Variants in HRNR observed in about 807,000 individuals in gnomAD.
HRNR encodes hornerin.
HRNR carries 7 observed loss-of-function variants against 4.8 expected under a neutral mutation model. The observed-to-expected ratio is 1.47, with a 90% CI of 0.83 to 2.75. The LOEUF (loss-of-function observed/expected upper bound fraction) is 2.75. HRNR is among the 30% of genes most tolerant of loss of function. HRNR has a pLI of 0.00. For synonymous variants in HRNR, 1,023 were observed against 1,242.7 expected (o/e 0.82, Z 3.72); for missense variants, 2,879 against 3,010.4 (o/e 0.96, Z 1.02).
chr1:152,223,282 A>G lies in HRNR; in HGVS notation c.-25-4T>C. ...TTTTTTTGCAAGTTTGAGTAACCTA[A>G]AGGGAGGAAAAAGAGAGACCAACCC... is the stretch of plus-strand genomic sequence containing the variant. On this transcript the variant is annotated splice_region_variant and splice_polypyrimidine_tract_variant and intron_variant, in intron 1 of 2. Transcript: ENST00000368801. 1.3e-6 allele frequency: 2 copies of G among 1,592,224 alleles called. No homozygotes were observed. Among genetic ancestry groups the G allele is most frequent in the Non-Finnish European group, 1.7e-6 (2 of 1,167,574 alleles).
In HRNR at chr1:152,219,646, A is replaced by T. The variant is rs372043579; in HGVS notation, c.1983T>A (p.Ser661Arg). The T allele has an allele frequency of 1.9e-5, 31 of 1,611,128 alleles. No homozygotes were observed. In the African/African-American group the frequency reaches 4.2e-4, roughly 22 times the overall value. ...CAAAATCGGACCCATGTCGGCCGCG[A>T]CTAGGAGACTGGCCAGATCCAGAGC... ...QQGSGSGQSP[S>R]RGRHGSDFGH... The change falls in exon 3 of 3, where the codon AGT (serine) becomes AGA (arginine). Residue 661 changes from serine to arginine, a missense_variant. Physicochemically the swap from Ser to Arg is moderately radical, Grantham distance 110. This residue lies in a region of HRNR where 2,646 missense variants were observed against 1,377.7 expected (regional missense o/e 1.92). Transcript: ENST00000368801.
chr1:152,213,071 A>C lies in HRNR; in HGVS notation c.*5T>G, dbSNP rs1170364600. On this transcript the variant is annotated 3_prime_UTR_variant, in exon 3 of 3. Coordinates refer to ENST00000368801, the MANE Select transcript of HRNR (RefSeq NM_001009931.3). ...ACTTGAGTAAATTGCATTTATGTTT[A>C]TTATTCACTGATAAAAGTAGCACCT... 2 of 1,607,980 alleles carry C rather than the reference A, an allele frequency of 1.2e-6. No homozygotes were observed.
In HRNR at chr1:152,220,386, G is replaced by T. The variant is rs1255006618; in HGVS notation, c.1243C>A (p.Gln415Lys). The T allele has an allele frequency of 1.2e-6, 2 of 1,613,808 alleles. No homozygotes were observed. The highest frequency in any genetic ancestry group is 1.1e-5 in the South Asian group (1 of 91,066). Residue 415 changes from glutamine (Q) to lysine (K), a missense_variant, in exon 3 of 3, where the codon CAA (glutamine) becomes AAA (lysine). Gln to Lys is a moderately conservative substitution (Grantham distance 53). Coordinates refer to ENST00000368801, the MANE Select transcript of HRNR (RefSeq NM_001009931.3). ...GACTGGCCAGATCCAGAGCTGTGTTGGCCGCGGCCTGAAGAGTGACGGGAG... is the reference window on the plus strand; with the variant it reads ...GACTGGCCAGATCCAGAGCTGTGTTTGCCGCGGCCTGAAGAGTGACGGGAG... ...SASRHSSGRGQHSSGSGQSPG... is the reference protein window; with the variant it reads ...SASRHSSGRGKHSSGSGQSPG...
At position 152,218,415 on chromosome 1, in the gene HRNR, G is replaced by C. The variant is rs1292741300; in HGVS notation, c.3214C>G (p.His1072Asp). The C allele has an allele frequency of 6.2e-7, 1 of 1,613,494 alleles. No individual in the cohort carries two copies. Among genetic ancestry groups the C allele is most frequent in the South Asian group, 1.1e-5 (1 of 91,052 alleles). ...CCGTGTTGCCCATGGGTAGAGGAATGACCTGAGCTAGATCCATGTTGACCG... is the reference window on the plus strand; with the variant it reads ...CCGTGTTGCCCATGGGTAGAGGAATCACCTGAGCTAGATCCATGTTGACCG... ...GYGQHGSSSG[H>D]SSTHGQHGST... Residue 1072 changes from histidine (H) to aspartate (D), a missense_variant, in exon 3 of 3, where the codon CAT (histidine) becomes GAT (aspartate). By Grantham distance (81) the His-to-Asp change is moderately conservative. Coordinates refer to ENST00000368801, the MANE Select transcript of HRNR (RefSeq NM_001009931.3).
rs1395141680 is a variant in HRNR, at chr1:152,212,884, A to T, written c.*192T>A. On this transcript the variant is annotated 3_prime_UTR_variant, in exon 3 of 3. Transcript: ENST00000368801. ...TTCTAACAAAGTAGCACAAATGCCT[A>T]ACAGTCTTTGGAAGGAACCCCATAA... The T allele has an allele frequency of 6.9e-6, 5 of 723,286 alleles. No individual in the cohort carries two copies. Among genetic ancestry groups the T allele is most frequent in the Non-Finnish European group, 1.1e-5 (5 of 451,874 alleles). The allele number at this position is 723,286 out of a possible 1,614,324, so 44.8% of individuals were successfully genotyped here.
chr1:152,218,397 G>C lies in HRNR; in HGVS notation c.3232C>G (p.Gln1078Glu). 5 of 1,613,154 alleles carry C rather than the reference G, an allele frequency of 3.1e-6. No individual in the cohort carries two copies. The highest frequency in any genetic ancestry group is 4.2e-6 in the Non-Finnish European group (5 of 1,179,994). ...SSSGHSSTHG[Q>E]HGSTSGQSSS... is the part of the protein sequence containing the mutation. The stretch of plus-strand genomic sequence containing the variant: ...GACTGTCCTGATGTAGAACCGTGTT[G>C]CCCATGGGTAGAGGAATGACCTGAG... Residue 1078 changes from glutamine to glutamate, a missense_variant, in exon 3 of 3, where the codon CAA becomes GAA. Coordinates refer to ENST00000368801, the MANE Select transcript of HRNR (RefSeq NM_001009931.3).
Position 152,221,139 on chromosome 1 carries a change from C to G in HRNR, c.490G>C (p.Asp164His), listed in dbSNP as rs1190126516. The G allele has an allele frequency of 4.3e-6, 7 of 1,614,106 alleles. No homozygotes were observed. The highest frequency in any genetic ancestry group is 4.2e-6 in the Non-Finnish European group (5 of 1,180,052). Residue 164 changes from aspartate to histidine, a missense_variant, in exon 3 of 3, where the codon GAC (aspartate) becomes CAC (histidine). Around this residue, in one of 8 missense-constraint regions of HRNR, gnomAD observed 2,646 missense variants for 1,377.7 expected, o/e 1.92. Transcript: ENST00000368801. ...TAGGAGTTATGTTGGCCAGAAAAGT[C>G]TCTTTGAAAACTCAGTCTTCTGGAT... Reference protein sequence around the residue: ...SISRRLSFQRDFSGQHNSYSG... With the variant: ...SISRRLSFQRHFSGQHNSYSG...
rs574688253 is a variant in HRNR at position 152,223,388 on chromosome 1, T to A, written c.-25-110A>T. 81 of 665,632 alleles carry A rather than the reference T, an allele frequency of 1.2e-4. No homozygotes were observed. In the South Asian group the frequency reaches 1.3e-3, roughly 10 times the overall value. The allele number at this position is 665,632 out of a possible 1,614,324, so 41.2% of individuals were successfully genotyped here. On this transcript the variant is annotated intron_variant, in intron 1 of 2. Coordinates refer to ENST00000368801, the MANE Select transcript of HRNR (RefSeq NM_001009931.3). ...ATTGTTCAGAATTAGTCAGTCATGA[T>A]TAAATTCATTCTGTTGTAATCAAGA...
chr1:152,221,106 G>A lies in HRNR; in HGVS notation c.523C>T (p.Gln175Ter). 1 of 1,614,200 alleles carries A rather than the reference G, an allele frequency of 6.2e-7. No homozygotes were observed. The highest frequency in any genetic ancestry group is 8.5e-7 in the Non-Finnish European group (1 of 1,180,024). Residue 175 changes from glutamine (Q) to a stop codon, truncating the protein, a stop_gained, in exon 3 of 3, where the codon CAG becomes TAG. Coordinates refer to ENST00000368801, the MANE Select transcript of HRNR (RefSeq NM_001009931.3). LOFTEE classifies it low-confidence loss of function (END_TRUNC). ...FSGQHNSYSGQSSSYGEQNSD... is the reference protein window; with the variant it reads ...FSGQHNSYSG The stretch of plus-strand genomic sequence containing the variant: ...TTTTGCTCACCATAGCTGGAAGACT[G>A]ACCTGAGTAGGAGTTATGTTGGCCA...
At position 152,220,677 on chromosome 1, in the gene HRNR, G is replaced by T. The variant is rs1454581479; in HGVS notation, c.952C>A (p.His318Asn). 5 of 1,612,378 alleles carry T rather than the reference G, an allele frequency of 3.1e-6. No homozygotes were observed. In the South Asian group the frequency reaches 5.5e-5, roughly 18 times the overall value. Residue 318 changes from histidine to asparagine, a missense_variant, in exon 3 of 3, where the codon CAC becomes AAC. Physicochemically the swap from His to Asn is moderately conservative, Grantham distance 68. Transcript: ENST00000368801. ...CCGTGTTGGCCGTGGCTGGAGGAGT[G>T]CCCCGAACCGGACCCATGTCGGACG... ...SHVRHGSGSG[H>N]SSSHGQHGSG...
rs1294253434 is a variant in HRNR, at chr1:152,219,270, G to T, written c.2359C>A (p.His787Asn). ...CCGTGTTGGCCGTGGCTGGAGGAGT[G>T]CCCTGAACTGGACCCATGTCGGACA... The part of the protein sequence containing the change: ...SRVRHGSSSG[H>N]SSSHGQHGSG... Residue 787 changes from histidine to asparagine, a missense_variant, in exon 3 of 3, where the codon CAC becomes AAC. Physicochemically the swap from His to Asn is moderately conservative, Grantham distance 68. This residue lies in a region of HRNR where 2,646 missense variants were observed against 1,377.7 expected (regional missense o/e 1.92). Transcript: ENST00000368801. The T allele has an allele frequency of 2.5e-6, 4 of 1,613,154 alleles. No individual in the cohort carries two copies. Among genetic ancestry groups the T allele is most frequent in the Admixed American group, 1.7e-5 (1 of 59,982 alleles).
Position 152,220,258 on chromosome 1 carries a change from A to T in HRNR, c.1371T>A (p.Ser457=). ...GRSSSSGPYV[S]GSGYSSGFGH... is the part of the protein sequence containing the mutation. Reference sequence around the variant, plus strand: ...CAAAGCCAGAAGAGTAGCCTGAACCAGACACATATGGGCCACTGCTGGAAG... The same window carrying T: ...CAAAGCCAGAAGAGTAGCCTGAACCTGACACATATGGGCCACTGCTGGAAG... The change falls in exon 3 of 3, where the codon TCT becomes TCA. Residue 457 remains serine, a synonymous_variant. Coordinates refer to ENST00000368801, the MANE Select transcript of HRNR (RefSeq NM_001009931.3). 1.9e-6 allele frequency: 3 copies of T among 1,614,038 alleles called. No individual in the cohort carries two copies. Among genetic ancestry groups the T allele is most frequent in the Non-Finnish European group, 1.7e-6 (2 of 1,179,998 alleles).
chr1:152,219,205 C>G lies in HRNR; in HGVS notation c.2424G>C (p.Glu808Asp), dbSNP rs115924441. The change falls in exon 3 of 3, where the codon GAG (glutamate) becomes GAC (aspartate). Residue 808 changes from glutamate (E) to aspartate (D), a missense_variant. Physicochemically the swap from Glu to Asp is conservative, Grantham distance 45. Transcript: ENST00000368801. Reference sequence around the variant, plus strand: ...AACCAGAAGCCTGGCCTGAGCCAGACTCATAATGGCCACAGCTGGAAGAAC... The same window carrying G: ...AACCAGAAGCCTGGCCTGAGCCAGAGTCATAATGGCCACAGCTGGAAGAAC... ...TSCSSSCGHY[E>D]SGSGQASGFG... The G allele has an allele frequency of 5.2e-3, 8,361 of 1,613,912 alleles. 365 individuals carry two copies. In the African/African-American group the frequency reaches 0.099, roughly 19 times the overall value.
At position 152,219,310 on chromosome 1, in the gene HRNR, G is replaced by T. The variant is rs1409635492; in HGVS notation, c.2319C>A (p.Gly773=). The change falls in exon 3 of 3, where the codon GGC becomes GGA. Residue 773 remains glycine (G), a synonymous_variant. Transcript: ENST00000368801. ...SGHGRQGSGS[G]HSPSRVRHGS... is the part of the protein sequence containing the mutation. Reference sequence around the variant, plus strand: ...CATGTCGGACACGGCTAGGAGAGTGGCCAGATCCAGACCCTTGTCGGCCGT... The same window carrying T: ...CATGTCGGACACGGCTAGGAGAGTGTCCAGATCCAGACCCTTGTCGGCCGT... The T allele has an allele frequency of 1.4e-5, 22 of 1,613,438 alleles. No individual in the cohort carries two copies. Among genetic ancestry groups the T allele is most frequent in the South Asian group, 8.8e-5 (8 of 91,078 alleles).
chr1:152,219,478 T>C lies in HRNR; in HGVS notation c.2151A>G (p.Gly717=), dbSNP rs761153367. ...SGQSSGYSQH[G]SGSSHSSGYR... ...AGCCGGAGGAGTGACTTGAGCCAGA[T>C]CCATGCTGACTGTAACCAGAGGACT... The change falls in exon 3 of 3, where the codon GGA becomes GGG. Residue 717 remains glycine, a synonymous_variant. Transcript: ENST00000368801. 3 of 1,612,768 alleles carry C rather than the reference T, an allele frequency of 1.9e-6. No individual in the cohort carries two copies. Among genetic ancestry groups the C allele is most frequent in the African/African-American group, 2.7e-5 (2 of 74,468 alleles).
rs200213880 is a variant in HRNR, at chr1:152,219,733, C to T, written c.1896G>A (p.Gln632=). The change falls in exon 3 of 3, where the codon CAG becomes CAA. Residue 632 remains glutamine (Q), a synonymous_variant. Coordinates refer to ENST00000368801, the MANE Select transcript of HRNR (RefSeq NM_001009931.3). ...AGCCATGCTGACCGTGGCTGGAAGA[C>T]TGACCTGAGGTAGCTCCATGTTGGC... The part of the protein sequence containing the change: ...SCGQHGATSG[Q]SSSHGQHGSG... 1.2e-6 allele frequency: 2 copies of T among 1,613,108 alleles called. No homozygotes were observed. Among genetic ancestry groups the T allele is most frequent in the Non-Finnish European group, 1.7e-6 (2 of 1,179,574 alleles).
At chr1:152,221,725 CAA>C (rs1055567132) in intron 2 of HRNR, among the ~76,000 whole-genome samples, 2 of 152,210 alleles carry the variant, frequency 1.3e-5, no homozygotes, top group African/African-American at 2.4e-5. Context: ...TGAAAGGAAA[CAA>C]GAGGGCTGAT....
chr1:152,223,160 C>A lies in HRNR; in HGVS notation c.94G>T (p.Glu32Ter). 1 of 1,613,904 alleles carries A rather than the reference C, an allele frequency of 6.2e-7. No homozygotes were observed. The change falls in exon 2 of 3, where the codon GAG (glutamate) becomes TAG (stop). Residue 32 changes from glutamate (E) to a stop codon, truncating the protein, a stop_gained. Coordinates refer to ENST00000368801, the MANE Select transcript of HRNR (RefSeq NM_001009931.3). LOFTEE classifies it low-confidence loss of function (END_TRUNC). ...HGEYDTLNKAELKELLENEFH... is the reference protein window; with the variant it reads ...HGEYDTLNKA ...TCATTTTCCAGAAGTTCTTTCAGCT[C>A]TGCCTTGTTCAACGTATCATACTCC... is the stretch of plus-strand genomic sequence containing the variant.
chr1:152,221,162 G>C lies in HRNR; in HGVS notation c.467C>G (p.Ser156Cys). 9 of 1,614,186 alleles carry C rather than the reference G, an allele frequency of 5.6e-6. No homozygotes were observed. The Admixed American group carries it at 6.7e-5, about 12-fold the overall frequency. ...GSLKPGTESISRRLSFQRDFS... is the reference protein window; with the variant it reads ...GSLKPGTESICRRLSFQRDFS... ...GTCTCTTTGAAAACTCAGTCTTCTGGATATGGATTCAGTCCCAGGTTTAAG... is the reference window on the plus strand; with the variant it reads ...GTCTCTTTGAAAACTCAGTCTTCTGCATATGGATTCAGTCCCAGGTTTAAG... The change falls in exon 3 of 3, where the codon TCC becomes TGC. Residue 156 changes from serine (S) to cysteine (C), a missense_variant. Physicochemically the swap from Ser to Cys is moderately radical, Grantham distance 112. Around this residue, in one of 8 missense-constraint regions of HRNR, gnomAD observed 2,646 missense variants for 1,377.7 expected, o/e 1.92. Coordinates refer to ENST00000368801, the MANE Select transcript of HRNR (RefSeq NM_001009931.3).
Sources: allele counts gnomAD v4.1 joint callset (sites outside exome capture counted in the v4.1 genomes callset), GRCh38; gene constraint gnomAD v4.1.1; regional missense constraint gnomAD v4.1.1; transcripts MANE v1.5; gene names NCBI Gene and HGNC (gene_info 2026-07-23, HGNC 2026-07-21).